Variants in KAT6A observed in about 807,000 individuals in gnomAD.
KAT6A encodes histone acetyltransferase KAT6A.
Under a neutral mutation model 198.4 loss-of-function variants are expected in KAT6A, and 9 were observed. That is an observed-to-expected ratio of 0.05 (90% CI 0.03 to 0.08). KAT6A has a LOEUF of 0.08. KAT6A is among the 10% of genes least tolerant of loss of function. The pLI is 1.00. For synonymous variants in KAT6A, 890 were observed against 883.0 expected (o/e 1.01, Z -0.14); for missense variants, 2,077 against 2,509.9 (o/e 0.83, Z 3.69).
intron 2 of KAT6A, among the ~76,000 whole-genome samples, chr8:41,992,393 T>C (rs34802208): frequency 6.6e-6 from 1 of 152,132 alleles, no homozygotes; most frequent in South Asian, 2.1e-4. Flanking sequence ...GTATTCTAAG[T>C]GTTCAAGATG....
rs529903073 is a variant in KAT6A at position 41,930,881 on chromosome 8, G to A, written c.*1324C>T. 3 of 215,344 alleles carry A rather than the reference G, an allele frequency of 1.4e-5. No homozygotes were observed. The highest frequency in any genetic ancestry group is 6.8e-5 in the African/African-American group (3 of 44,160). 13.3% of individuals were successfully genotyped at this position (215,344 alleles called of 1,614,324 possible). On this transcript the variant is annotated 3_prime_UTR_variant, in exon 17 of 17. Transcript: ENST00000265713. ...TTCTGCTGTCCAGATCTGCCCTACT[G>A]TGCTGGTGGTCGGTCTGTCCCTCTT... is the stretch of plus-strand genomic sequence containing the variant.
At chr8:41,955,515 G>A (rs1318697401) in intron 8 of KAT6A, 104 bp from the exon 9 acceptor site, 4 of 690,872 alleles carry the variant, frequency 5.8e-6, no homozygotes, top group Admixed American at 6.2e-5. Flanking sequence ...CTCCAAAGGA[G>A]TAAAACAAAA....
chr8:41,957,369 A>G, intron 8 of KAT6A: 1 of 491,600 alleles, frequency 2.0e-6, no homozygotes, highest in Middle Eastern at 6.7e-4. Context: ...CTCTCTACAC[A>G]GGGAGGAAGA....
chr8:41,960,753 T>G (rs193036956), intron 8 of KAT6A, among the ~76,000 whole-genome samples: 59 of 152,198 alleles, frequency 3.9e-4, no homozygotes, highest in Admixed American at 1.1e-3. Context: ...CATCTTACCT[T>G]TTCCATCCGG....
chr8:41,938,673 G>A (rs1457996199), intron 15 of KAT6A, among the ~76,000 whole-genome samples: 1 of 152,024 alleles, frequency 6.6e-6, no homozygotes, highest in Non-Finnish European at 1.5e-5. Flanking sequence ...GAGGCCAGGC[G>A]CGGTGGCTCA....
At chr8:41,964,586 T>G (rs1180859861) in intron 8 of KAT6A, among the ~76,000 whole-genome samples, 1 of 147,216 alleles carries the variant, frequency 6.8e-6, no homozygotes, top group African/African-American at 2.5e-5. Context: ...GAATTCAGGA[T>G]GCTCGACGGC....
intron 3 of KAT6A, among the ~76,000 whole-genome samples, chr8:41,982,786 T>C (rs916243367): frequency 2.6e-5 from 4 of 152,232 alleles, no homozygotes; most frequent in African/African-American, 9.6e-5. Flanking sequence ...TGGCATGTTG[T>C]TATAATTGTT....
intron 8 of KAT6A, among the ~76,000 whole-genome samples, chr8:41,971,270 C>T (rs944039300): frequency 2.0e-5 from 3 of 149,262 alleles, no homozygotes; most frequent in African/African-American, 7.4e-5. Flanking sequence ...AAGGCACTTA[C>T]ATTCTAGAAA....
intron 2 of KAT6A, among the ~76,000 whole-genome samples, chr8:42,019,652 T>C (rs1826435794): frequency 6.6e-6 from 1 of 152,180 alleles, no homozygotes; most frequent in Non-Finnish European, 1.5e-5. Context: ...ATTATATTCA[T>C]TACCCTAAAT....
At chr8:42,001,850 G>C (rs910861920) in intron 2 of KAT6A, among the ~76,000 whole-genome samples, 3 of 152,150 alleles carry the variant, frequency 2.0e-5, no homozygotes, top group Admixed American at 2.0e-4. Flanking sequence ...TACCTATAAA[G>C]AGAGCATCTT....
chr8:41,949,116 T>C (rs1260529377), intron 10 of KAT6A, 106 bp downstream of exon 10: 1 of 674,874 alleles, frequency 1.5e-6, no homozygotes, highest in African/African-American at 1.9e-5. Flanking sequence ...CTTTTTCCAT[T>C]TTAGTGATAC....
At chr8:41,987,978 G>A (rs1824709824) in intron 2 of KAT6A, among the ~76,000 whole-genome samples, 1 of 152,200 alleles carries the variant, frequency 6.6e-6, no homozygotes, top group Non-Finnish European at 1.5e-5. Flanking sequence ...CTCCTCGGCA[G>A]AAGACATTAA....
chr8:41,953,683 A>T (rs1822779144), intron 9 of KAT6A, among the ~76,000 whole-genome samples: 1 of 152,146 alleles, frequency 6.6e-6, no homozygotes, highest in African/African-American at 2.4e-5. Flanking sequence ...CATGTTGGCC[A>T]GGCTGGTCTT....
In KAT6A at chr8:41,941,002, C is replaced by T; in HGVS notation, c.2879G>A (p.Cys960Tyr). The change falls in exon 15 of 17, where the codon TGC (cysteine) becomes TAC (tyrosine). Residue 960 changes from cysteine (C) to tyrosine (Y), a missense_variant. Coordinates refer to ENST00000265713, the MANE Select transcript of KAT6A (RefSeq NM_006766.5). ...CCTCTCACTTCCTTCTGTTAATCTG[C>T]ACTTCAGAGCCTCAGGGCTTTTCTT... ...QLKKSPEALK[C>Y]RLTEGSERLP... 1 of 1,614,214 alleles carries T rather than the reference C, an allele frequency of 6.2e-7. No individual in the cohort carries two copies. Among genetic ancestry groups the T allele is most frequent in the Non-Finnish European group, 8.5e-7 (1 of 1,180,056 alleles).
intron 2 of KAT6A, among the ~76,000 whole-genome samples, chr8:42,005,182 A>T (rs1460256347): frequency 6.6e-6 from 1 of 152,042 alleles, no homozygotes; most frequent in Non-Finnish European, 1.5e-5. Context: ...ATTCGTGTTT[A>T]AAAAAAATCA....
chr8:41,998,716 T>C (rs1187098978), intron 2 of KAT6A, among the ~76,000 whole-genome samples: 2 of 152,138 alleles, frequency 1.3e-5, no homozygotes, highest in Non-Finnish European at 2.9e-5. Context: ...AAGGAAACTA[T>C]ATCTGGGTGG....
chr8:42,050,095 C>T (rs1444521344), intron 1 of KAT6A, among the ~76,000 whole-genome samples: 1 of 152,098 alleles, frequency 6.6e-6, no homozygotes, highest in Non-Finnish European at 1.5e-5. Flanking sequence ...ATGAGGAAGG[C>T]CCAGAATCAC....
chr8:42,009,474 A>G (rs941017493), intron 2 of KAT6A, among the ~76,000 whole-genome samples: 2 of 151,768 alleles, frequency 1.3e-5, no homozygotes, highest in Non-Finnish European at 2.9e-5. Flanking sequence ...ATAAAAGACC[A>G]TAACAAGTAT....
intron 15 of KAT6A, among the ~76,000 whole-genome samples, chr8:41,938,954 GAAAAAAAA>G (rs894664976): frequency 2.6e-5 from 2 of 75,768 alleles, no homozygotes; most frequent in South Asian, 5.2e-4. Flanking sequence ...TCTGGGGAAG[GAAAAAAAA>G]AAAAAAAAAA....
Sources: allele counts gnomAD v4.1 joint callset (sites outside exome capture counted in the v4.1 genomes callset), GRCh38; gene constraint gnomAD v4.1.1; transcripts MANE v1.5; gene names NCBI Gene and HGNC (gene_info 2026-07-23, HGNC 2026-07-21).